The following PDE4D variants were observed in gnomAD, a reference collection of about 807,000 sequenced individuals.
PDE4D encodes the protein phosphodiesterase 4D.
PDE4D carries 24 observed loss-of-function variants against 87.4 expected under a neutral mutation model. That is an observed-to-expected ratio of 0.27 (90% CI 0.20 to 0.39). The LOEUF (loss-of-function observed/expected upper bound fraction) is 0.39. Among genes scored for constraint, PDE4D ranks in the 10% least tolerant of loss-of-function variants. The pLI is 1.00. For synonymous variants in PDE4D, 384 were observed against 383.2 expected, an observed-to-expected ratio of 1.00 and a Z score of -0.02; for missense variants, 714 against 1,041.0, an observed-to-expected ratio of 0.69 and a Z score of 4.32.
At chr5:59,275,542 A>G (rs1764636224) in intron 1 of PDE4D, 2 of 1,451,478 alleles carry the variant, frequency 1.4e-6, no homozygotes, top group South Asian at 1.5e-5. Context: ...CCTGGAGTCC[A>G]TCTCCTGTCC....
intron 1 of PDE4D, among the ~76,000 whole-genome samples, chr5:59,578,935 T>C (rs1823614280): frequency 6.6e-6 from 1 of 152,070 alleles, no homozygotes; most frequent in African/African-American, 2.4e-5. Flanking sequence ...CCTCTCCTTC[T>C]CCTCTTTCCT....
At chr5:60,289,753 A>G (rs539189727) in intron 1 of PDE4D, among the ~76,000 whole-genome samples, 1 of 152,312 alleles carries the variant, frequency 6.6e-6, no homozygotes, top group South Asian at 2.1e-4. Context: ...TTGAAACTAT[A>G]ATTAAATGTG....
At chr5:59,316,512 C>T (rs1773771305) in intron 1 of PDE4D, among the ~76,000 whole-genome samples, 1 of 152,054 alleles carries the variant, frequency 6.6e-6, no homozygotes. Flanking sequence ...AAAGTGAAAA[C>T]ATCACAAAGC....
chr5:59,289,517 C>A (rs1579849), intron 1 of PDE4D, among the ~76,000 whole-genome samples: 1 of 151,492 alleles, frequency 6.6e-6, no homozygotes, highest in Admixed American at 6.6e-5. Context: ...CTCAAAAAAT[C>A]GGGTATAAAA....
chr5:60,247,642 C>G (rs1029072349), intron 1 of PDE4D, among the ~76,000 whole-genome samples: 1 of 151,854 alleles, frequency 6.6e-6, no homozygotes, highest in Admixed American at 6.6e-5. Flanking sequence ...CCAAATAAAT[C>G]CTTTAATTTT....
At chr5:60,068,737 CA>C (rs1390023729) in intron 2 of PDE4D, among the ~76,000 whole-genome samples, 2 of 152,146 alleles carry the variant, frequency 1.3e-5, no homozygotes, top group African/African-American at 4.8e-5. Flanking sequence ...GCTGGTACTA[CA>C]GGTGTGAGCC....
At chr5:59,546,962 T>G (rs569480474) in intron 1 of PDE4D, among the ~76,000 whole-genome samples, 27 of 152,304 alleles carry the variant, frequency 1.8e-4, no homozygotes, top group African/African-American at 7.2e-5. Flanking sequence ...AGAAATGCCC[T>G]TCTCATACAG....
intron 1 of PDE4D, among the ~76,000 whole-genome samples, chr5:60,289,166 G>C (rs778562861): frequency 2.0e-5 from 3 of 152,046 alleles, no homozygotes; most frequent in Non-Finnish European, 4.4e-5. Flanking sequence ...TCCCCAGAGT[G>C]GTTTAAAGGA....
intron 6 of PDE4D, among the ~76,000 whole-genome samples, chr5:59,019,179 T>C (rs1273532623): frequency 2.0e-5 from 3 of 152,098 alleles, no homozygotes; most frequent in African/African-American, 4.8e-5. Context: ...CCAAGTCTTA[T>C]GTATGCTGTC....
intron 1 of PDE4D, among the ~76,000 whole-genome samples, chr5:60,223,254 G>C (rs2149602306): frequency 6.6e-6 from 1 of 152,194 alleles, no homozygotes. Context: ...ATATTACAAA[G>C]TCCCAAACAA....
intron 3 of PDE4D, chr5:59,988,288 T>C: frequency 6.2e-6 from 3 of 481,356 alleles, no homozygotes; most frequent in Non-Finnish European, 1.1e-5. Flanking sequence ...AGCTCTTCCA[T>C]GTAAAACAAT....
At chr5:59,891,489 G>A (rs1404844913) in intron 1 of PDE4D, among the ~76,000 whole-genome samples, 1 of 152,190 alleles carries the variant, frequency 6.6e-6, no homozygotes, top group Non-Finnish European at 1.5e-5. Flanking sequence ...AACCAAAGGG[G>A]AGAGAGAAGG....
At chr5:60,367,533 C>T (rs536570455) in intron 1 of PDE4D, among the ~76,000 whole-genome samples, 1 of 151,442 alleles carries the variant, frequency 6.6e-6, no homozygotes, top group East Asian at 1.9e-4. Context: ...ATAGCCCAAA[C>T]TAGGTCATCT....
intron 1 of PDE4D, among the ~76,000 whole-genome samples, chr5:59,727,998 T>G (rs1021222767): frequency 1.3e-5 from 2 of 152,128 alleles, no homozygotes; most frequent in African/African-American, 4.8e-5. Flanking sequence ...TTCTTTTTAC[T>G]TTCTCTTCAC....
chr5:59,846,328 T>G (rs1467181440), intron 1 of PDE4D, among the ~76,000 whole-genome samples: 1 of 152,058 alleles, frequency 6.6e-6, no homozygotes, highest in Non-Finnish European at 1.5e-5. Context: ...CAGTTCCCTC[T>G]AATTGGGTCT....
intron 1 of PDE4D, among the ~76,000 whole-genome samples, chr5:59,566,818 T>G (rs1355001414): frequency 6.6e-6 from 1 of 152,134 alleles, no homozygotes; most frequent in African/African-American, 2.4e-5. Flanking sequence ...TAATCTATTT[T>G]GGCCATTTTG....
At chr5:60,505,696 T>C (rs769987742) in intron 1 of PDE4D, among the ~76,000 whole-genome samples, 8 of 152,222 alleles carry the variant, frequency 5.3e-5, no homozygotes, top group Non-Finnish European at 8.8e-5. Flanking sequence ...CAATTACAAA[T>C]ACCTACTTTA....
chr5:59,640,849 AG>A (rs1329134276), intron 1 of PDE4D, among the ~76,000 whole-genome samples: 1 of 152,178 alleles, frequency 6.6e-6, no homozygotes, highest in African/African-American at 2.4e-5. Context: ...GTTTATCAAG[AG>A]TGTTCTCTAA....
chr5:60,320,759 A>G (rs1456077210), intron 1 of PDE4D, among the ~76,000 whole-genome samples: 1 of 152,220 alleles, frequency 6.6e-6, no homozygotes, highest in Non-Finnish European at 1.5e-5. Context: ...CTATGCACCA[A>G]TAACATCCAA....
Sources: gnomAD v4.1 joint callset for allele counts (sites outside exome capture counted in the v4.1 genomes callset) on GRCh38, gnomAD v4.1.1 for gene constraint, MANE v1.5 for transcripts, NCBI Gene and HGNC (gene_info 2026-07-23, HGNC 2026-07-21) for gene names.